The following IMMP2L variants were observed in gnomAD, a reference collection of about 807,000 sequenced individuals.
IMMP2L encodes the protein inner mitochondrial membrane peptidase subunit 2.
Under a neutral mutation model 19.3 loss-of-function variants are expected in IMMP2L, and 18 were observed. The ratio of observed to expected loss-of-function variants is 0.93; its 90% CI spans 0.64 to 1.38. The LOEUF (loss-of-function observed/expected upper bound fraction) is 1.38, where lower values mean the gene tolerates loss of function less well. Ranked by LOEUF, IMMP2L falls within the 40% of genes most tolerant of loss-of-function variation. The pLI, the probability that IMMP2L is intolerant of heterozygous loss-of-function variation, is 0.00. For missense variants in IMMP2L, 233 were observed against 218.2 expected, an observed-to-expected ratio of 1.07 and a Z score of -0.43; for synonymous variants, 76 against 73.0, an observed-to-expected ratio of 1.04 and a Z score of -0.21.
intron 3 of IMMP2L, among the ~76,000 whole-genome samples, chr7:111,272,901 G>C (rs560591590): frequency 6.6e-6 from 1 of 152,138 alleles, no homozygotes; most frequent in Non-Finnish European, 1.5e-5. Context: ...ACAGAAATTA[G>C]CTAACTGATC....
rs1798139029 is a variant in IMMP2L at position 110,758,129 on chromosome 7, T to A, written c.409-94408A>T. On this transcript the variant is annotated intron_variant, in intron 5 of 5. Coordinates refer to ENST00000405709, the MANE Select transcript of IMMP2L (RefSeq NM_032549.4). This position sits in a 1 kb window ranked among gnomAD's most constrained non-coding sequence, Gnocchi z 4.6. ...GAAGGATGGAGCTAGTATGTTAATGTAGCTGAAGGTCAAATAAGATGAGGA... is the reference window on the plus strand; with the variant it reads ...GAAGGATGGAGCTAGTATGTTAATGAAGCTGAAGGTCAAATAAGATGAGGA... 6.6e-6 allele frequency among the ~76,000 whole-genome samples: 1 copy of A among 152,098 alleles called. No homozygotes were observed. The highest frequency in any genetic ancestry group is 1.5e-5 in the Non-Finnish European group (1 of 68,026).
rs79158380 is a variant in IMMP2L at position 111,121,081 on chromosome 7, T to C, written c.240-157516A>G. ...AAGATTTGAAATAACAGAAAACTTCTGGAAACACATTCATTAAAATAATAA... is the reference window on the plus strand; with the variant it reads ...AAGATTTGAAATAACAGAAAACTTCCGGAAACACATTCATTAAAATAATAA... On this transcript the variant is annotated intron_variant, in intron 3 of 5. Coordinates refer to ENST00000405709, the MANE Select transcript of IMMP2L (RefSeq NM_032549.4). 3.0e-4 allele frequency among the ~76,000 whole-genome samples: 45 copies of C among 152,356 alleles called. No individual in the cohort carries two copies. The East Asian group carries it at 8.7e-3, about 29-fold the overall frequency.
intron 3 of IMMP2L, among the ~76,000 whole-genome samples, chr7:111,299,596 G>GATTTAAGT (rs1822002258): frequency 6.7e-6 from 1 of 148,784 alleles, no homozygotes; most frequent in African/African-American, 2.5e-5. Context: ...AAAAAGAAAT[G>GATTTAAGT]CGTGATTATC....
At chr7:111,225,173 A>T (rs1361931187) in intron 3 of IMMP2L, among the ~76,000 whole-genome samples, 1 of 152,122 alleles carries the variant, frequency 6.6e-6, no homozygotes, top group Non-Finnish European at 1.5e-5. Context: ...GACAAAGTTA[A>T]TCTGTCACTT....
rs9771090 is a variant in IMMP2L at position 111,026,362 on chromosome 7, G to A, written c.240-62797C>T. On this transcript the variant is annotated intron_variant, in intron 3 of 5. Transcript: ENST00000405709. ...AGATGGCGTGTCACAGAAAAATTTC[G>A]CCATTTAATCCTTAAAACAAAGTAT... Among the ~76,000 whole-genome samples, 676 of 152,042 alleles carry A rather than the reference G, an allele frequency of 4.4e-3. 7 individuals carry two copies. Among genetic ancestry groups the A allele is most frequent in the African/African-American group, 0.015 (617 of 41,480 alleles).
intron 3 of IMMP2L, among the ~76,000 whole-genome samples, chr7:111,320,940 T>C (rs1824631087): frequency 2.0e-5 from 3 of 152,010 alleles, no homozygotes; most frequent in African/African-American, 7.2e-5. Flanking sequence ...GAATAGTACT[T>C]GGAACAAAGG....
At chr7:111,205,709 T>C (rs952504380) in intron 3 of IMMP2L, among the ~76,000 whole-genome samples, 1 of 152,146 alleles carries the variant, frequency 6.6e-6, no homozygotes, top group African/African-American at 2.4e-5. Context: ...TTATGAACTA[T>C]AGGCCATGCC....
intron 1 of IMMP2L, among the ~76,000 whole-genome samples, chr7:111,555,476 C>T (rs1159635124): frequency 6.6e-6 from 1 of 151,650 alleles, no homozygotes; most frequent in African/African-American, 2.4e-5. Flanking sequence ...AAAAATATGA[C>T]AAGCAAGGAA....
intron 3 of IMMP2L, among the ~76,000 whole-genome samples, chr7:111,070,731 T>C (rs1163533278): frequency 6.6e-6 from 1 of 152,186 alleles, no homozygotes; most frequent in Non-Finnish European, 1.5e-5. Flanking sequence ...GTAAGGCACC[T>C]TGGACAGCAG....
At chr7:111,158,672 C>T (rs757458943) in intron 3 of IMMP2L, among the ~76,000 whole-genome samples, 40 of 152,010 alleles carry the variant, frequency 2.6e-4, no homozygotes, top group Non-Finnish European at 4.7e-4. Context: ...ATTGCATATA[C>T]GTTTTTTCAA....
chr7:111,220,064 C>G (rs1441959685), intron 3 of IMMP2L, among the ~76,000 whole-genome samples: 4 of 151,998 alleles, frequency 2.6e-5, no homozygotes, highest in Non-Finnish European at 4.4e-5. Context: ...CACTTATCTA[C>G]TAGGTTAGTG....
rs139665221 is a variant in IMMP2L at position 111,299,910 on chromosome 7, C to T, written c.239+187328G>A. Among the ~76,000 whole-genome samples the T allele has an allele frequency of 3.0e-3, 414 of 136,388 alleles. 2 individuals carry two copies. The highest frequency in any genetic ancestry group is 4.8e-3 in the Non-Finnish European group (307 of 64,334). 89.5% of individuals were successfully genotyped at this position (136,388 alleles called of 152,430 possible). A position where few individuals can be genotyped will look rare whatever the true frequency, so the allele number is the denominator to read the frequency against. ...TGAACAAGGGCTGCATCCTTGCTGA[C>T]GAAATTGCAGTAACTACAAGTAAGG... On this transcript the variant is annotated intron_variant, in intron 3 of 5. Coordinates refer to ENST00000405709, the MANE Select transcript of IMMP2L (RefSeq NM_032549.4).
chr7:111,383,573 G>C (rs1267596804), intron 3 of IMMP2L, among the ~76,000 whole-genome samples: 2 of 152,066 alleles, frequency 1.3e-5, no homozygotes, highest in Non-Finnish European at 2.9e-5. Context: ...GACATTGAGG[G>C]CTATCCAGCC....
At chr7:111,300,789 T>C (rs544226284) in intron 3 of IMMP2L, among the ~76,000 whole-genome samples, 7 of 152,288 alleles carry the variant, frequency 4.6e-5, no homozygotes, top group South Asian at 2.1e-4. Flanking sequence ...TACCTTTCCA[T>C]TGCTGAGTAG....
intron 3 of IMMP2L, among the ~76,000 whole-genome samples, chr7:111,187,386 G>C (rs1808386109): frequency 6.6e-6 from 1 of 152,090 alleles, no homozygotes; most frequent in Non-Finnish European, 1.5e-5. Context: ...AGAGTACCCA[G>C]ATATTCAGGG....
chr7:111,491,014 C>A (rs867568093), intron 2 of IMMP2L, among the ~76,000 whole-genome samples: 1 of 152,010 alleles, frequency 6.6e-6, no homozygotes, highest in African/African-American at 2.4e-5. Flanking sequence ...CATCTGCCAC[C>A]CCTGAGACAG....
At chr7:111,026,252 A>G (rs185837372) in intron 3 of IMMP2L, among the ~76,000 whole-genome samples, 1 of 152,248 alleles carries the variant, frequency 6.6e-6, no homozygotes, top group East Asian at 1.9e-4. Flanking sequence ...CTACTACCTG[A>G]AGCAAATAAT....
chr7:111,010,591 T>G (rs1444900651), intron 3 of IMMP2L, among the ~76,000 whole-genome samples: 2 of 152,104 alleles, frequency 1.3e-5, no homozygotes, highest in East Asian at 3.9e-4. Context: ...TGATCACAGT[T>G]TACGAAATTG....
intron 1 of IMMP2L, among the ~76,000 whole-genome samples, chr7:111,556,491 A>G (rs1791375850): frequency 6.6e-6 from 1 of 152,044 alleles, no homozygotes; most frequent in Admixed American, 6.6e-5. Flanking sequence ...GGACCCAAGC[A>G]TATCTACTCT....
Sources: allele counts gnomAD v4.1 joint callset (sites outside exome capture counted in the v4.1 genomes callset), GRCh38; gene constraint gnomAD v4.1.1; non-coding constraint Gnocchi (gnomAD v3.1); transcripts MANE v1.5; gene names NCBI Gene and HGNC (gene_info 2026-07-23, HGNC 2026-07-21).